The following COMMD1 variants were observed in gnomAD, a reference collection of about 807,000 sequenced individuals.
The protein encoded by COMMD1 is copper metabolism domain containing 1.
COMMD1 carries 10 observed loss-of-function variants against 17.2 expected under a neutral mutation model. The ratio of observed to expected loss-of-function variants is 0.58; its 90% CI spans 0.36 to 0.99. The LOEUF is 0.99. COMMD1 is among the 50% of genes least tolerant of loss of function. The probability of loss-of-function intolerance (pLI) is 0.01; values close to 1 mark genes in which losing one functional copy is unlikely to be tolerated. For missense variants in COMMD1, 270 were observed against 231.8 expected, an observed-to-expected ratio of 1.17 and a Z score of -1.07; for synonymous variants, 97 against 91.6, an observed-to-expected ratio of 1.06 and a Z score of -0.34.
At chr2:61,979,168 G>C (rs886378221) in intron 1 of COMMD1, among the ~76,000 whole-genome samples, 1 of 151,956 alleles carries the variant, frequency 6.6e-6, no homozygotes, top group Non-Finnish European at 1.5e-5. Context: ...TTCTCCCTGA[G>C]TTCAATTGTT....
chr2:62,067,006 T>A (rs141909967), intron 2 of COMMD1, among the ~76,000 whole-genome samples: 7,351 of 152,008 alleles, frequency 0.048, 604 homozygotes, highest in African/African-American at 0.17. Flanking sequence ...GATTACAGGC[T>A]TGAGCCACCG....
In COMMD1 at chr2:62,127,706, G is replaced by A. The variant is rs60592053; in HGVS notation, c.463-8125G>A. Among the ~76,000 whole-genome samples, 173 of 152,184 alleles carry A rather than the reference G, an allele frequency of 1.1e-3. 1 individual carries two copies. Among genetic ancestry groups the A allele is most frequent in the African/African-American group, 3.6e-3 (150 of 41,524 alleles). On this transcript the variant is annotated intron_variant, in intron 2 of 2. Transcript: ENST00000311832. The stretch of plus-strand genomic sequence containing the variant: ...AATTGAAACTGAACCCATTCCTCAC[G>A]CCTTATATAAAAATTAACTCAAGAT...
At chr2:61,972,922 C>T (rs926565046) in intron 1 of COMMD1, among the ~76,000 whole-genome samples, 6 of 152,130 alleles carry the variant, frequency 3.9e-5, no homozygotes, top group African/African-American at 1.2e-4. Flanking sequence ...CCGCCCGCTT[C>T]GGCCACCCAA....
upstream of COMMD1, among the ~76,000 whole-genome samples, chr2:61,902,826 CAG>C (rs1276071260): frequency 1.3e-5 from 2 of 152,048 alleles, no homozygotes; most frequent in African/African-American, 4.8e-5. Context: ...GCCTGGGCAA[CAG>C]AGTGAGACTC....
At chr2:61,915,726 G>A in intron 1 of COMMD1, 1 of 452,660 alleles carries the variant, frequency 2.2e-6, no homozygotes, top group South Asian at 1.6e-5. Context: ...CAAATTCCTG[G>A]GCTTAAGCAA....
At chr2:62,021,995 TA>T (rs1669624245) in intron 2 of COMMD1, among the ~76,000 whole-genome samples, 3 of 27,294 alleles carry the variant, frequency 1.1e-4, no homozygotes, top group African/African-American at 8.0e-4. Flanking sequence ...TATAAACTCC[TA>T]TTTTTTTTTG....
chr2:62,001,355 A>T (rs1668935595), intron 2 of COMMD1, among the ~76,000 whole-genome samples: 1 of 152,240 alleles, frequency 6.6e-6, no homozygotes, highest in East Asian at 1.9e-4. Flanking sequence ...AATCTCATCC[A>T]GTCATCTTTA....
At chr2:61,899,755 A>G (rs1357021299) in intron 1 of COMMD1, among the ~76,000 whole-genome samples, 2 of 152,046 alleles carry the variant, frequency 1.3e-5, no homozygotes. Flanking sequence ...GCTCACTGCA[A>G]CCTCAACCTC....
intron 1 of COMMD1, among the ~76,000 whole-genome samples, chr2:61,997,575 A>G (rs1668801914): frequency 6.6e-6 from 1 of 152,204 alleles, no homozygotes; most frequent in Non-Finnish European, 1.5e-5. Flanking sequence ...TAAAATATTA[A>G]GCGCACTGTG....
At chr2:61,926,095 C>A (rs1025826374) in intron 1 of COMMD1, among the ~76,000 whole-genome samples, 1 of 151,952 alleles carries the variant, frequency 6.6e-6, no homozygotes, top group African/African-American at 2.4e-5. Flanking sequence ...CTCAGCCTCC[C>A]GAGTAGCTGG....
intron 1 of COMMD1, among the ~76,000 whole-genome samples, chr2:61,899,261 G>A (rs1669610895): frequency 6.6e-6 from 1 of 152,162 alleles, no homozygotes; most frequent in Non-Finnish European, 1.5e-5. Flanking sequence ...TTACCAGAAG[G>A]AAGGCAACAT....
At chr2:62,111,267 C>T (rs545690036) in intron 2 of COMMD1, among the ~76,000 whole-genome samples, 21 of 152,254 alleles carry the variant, frequency 1.4e-4, no homozygotes, top group South Asian at 2.1e-4. Flanking sequence ...ACATCTGACA[C>T]GCCAACAAGG....
intron 1 of COMMD1, among the ~76,000 whole-genome samples, chr2:61,985,604 GTTTTAATATCTTTTTATT>G (rs1672086108): frequency 6.6e-6 from 1 of 152,050 alleles, no homozygotes; most frequent in East Asian, 1.9e-4. Flanking sequence ...TTGGTGGTAT[GTTTTAATATCTTTTTATT>G]TTTTCTGTAT....
At chr2:62,124,586 G>C (rs559868577) in intron 2 of COMMD1, among the ~76,000 whole-genome samples, 3 of 152,130 alleles carry the variant, frequency 2.0e-5, no homozygotes, top group African/African-American at 7.2e-5. Flanking sequence ...GTCTCACTCT[G>C]TCGCCCAGCC....
At chr2:61,913,573 A>G (rs1000080777) in intron 1 of COMMD1, among the ~76,000 whole-genome samples, 2 of 151,536 alleles carry the variant, frequency 1.3e-5, no homozygotes, top group African/African-American at 4.8e-5. Flanking sequence ...TCTACTAAAA[A>G]TTGGCTCTAC....
chr2:62,042,743 A>G (rs1670269121), intron 2 of COMMD1, among the ~76,000 whole-genome samples: 1 of 152,192 alleles, frequency 6.6e-6, no homozygotes, highest in Non-Finnish European at 1.5e-5. Context: ...GGCTGCTAGC[A>G]AGTTGTCAAC....
In COMMD1 at chr2:61,953,879, T is replaced by C. The variant is rs145074319; in HGVS notation, c.181-46822T>C. On this transcript the variant is annotated intron_variant, in intron 1 of 2. Transcript: ENST00000311832. The stretch of plus-strand genomic sequence containing the variant: ...CGTAGTAGGTGTATCATTATAGTTT[T>C]AATTTGCATTTCTCTAGCAACCTGA... Among the ~76,000 whole-genome samples the C allele has an allele frequency of 1.7e-3, 264 of 152,286 alleles. 2 individuals are homozygous for C. Among genetic ancestry groups the C allele is most frequent in the African/African-American group, 6.3e-3 (262 of 41,552 alleles).
At chr2:61,998,451 G>C (rs1033512760) in intron 1 of COMMD1, among the ~76,000 whole-genome samples, 2 of 151,974 alleles carry the variant, frequency 1.3e-5, no homozygotes, top group Admixed American at 6.6e-5. Context: ...GTAGAGACAG[G>C]GTTTCACCAT....
intron 2 of COMMD1, among the ~76,000 whole-genome samples, chr2:62,067,921 A>G (rs1671099044): frequency 6.6e-6 from 1 of 152,194 alleles, no homozygotes; most frequent in Non-Finnish European, 1.5e-5. Context: ...TGACAAGGTC[A>G]TTGTTGATGG....
Sources: gnomAD v4.1 joint callset for allele counts (sites outside exome capture counted in the v4.1 genomes callset) on GRCh38, gnomAD v4.1.1 for gene constraint, MANE v1.5 for transcripts, NCBI Gene and HGNC (gene_info 2026-07-23, HGNC 2026-07-21) for gene names.